Variants in DTNB observed in about 807,000 individuals in gnomAD.
DTNB encodes DTN-B.
A neutral mutation model predicts 90.7 loss-of-function variants in DTNB; 63 were observed. The ratio of observed to expected loss-of-function variants is 0.69; its 90% CI spans 0.57 to 0.86. The LOEUF (loss-of-function observed/expected upper bound fraction) is 0.86, where lower values mean the gene tolerates loss of function less well. Ranked by LOEUF, DTNB falls within the 40% of genes least tolerant of loss-of-function variation. The probability of loss-of-function intolerance (pLI) is 0.00; values close to 1 mark genes in which losing one functional copy is unlikely to be tolerated. For missense variants in DTNB, 744 were observed against 807.1 expected, an observed-to-expected ratio of 0.92 and a Z score of 0.95; for synonymous variants, 277 against 286.7, an observed-to-expected ratio of 0.97 and a Z score of 0.34.
chr2:25,555,686 G>A (rs958185981), intron 8 of DTNB, among the ~76,000 whole-genome samples: 7 of 151,928 alleles, frequency 4.6e-5, no homozygotes, highest in Non-Finnish European at 5.9e-5. Context: ...TTTCCACATC[G>A]ATTCCACTTA....
At chr2:25,641,800 G>A (rs2078365296) in intron 2 of DTNB, among the ~76,000 whole-genome samples, 4 of 152,142 alleles carry the variant, frequency 2.6e-5, no homozygotes. Flanking sequence ...AATGACAAAT[G>A]TAGAAGCCAG....
chr2:25,604,715 G>A (rs570952592), intron 5 of DTNB, among the ~76,000 whole-genome samples: 9 of 152,044 alleles, frequency 5.9e-5, no homozygotes, highest in South Asian at 2.1e-4. Context: ...TCAGCCTCCC[G>A]AGTAGCTGGG....
At chr2:25,565,832 T>A (rs547882994) in intron 8 of DTNB, among the ~76,000 whole-genome samples, 85 of 152,226 alleles carry the variant, frequency 5.6e-4, no homozygotes, top group Admixed American at 8.5e-4. Context: ...TTACTTTTTT[T>A]AAAAAAACTA....
chr2:25,650,150 A>G, intron 2 of DTNB: 4 of 985,378 alleles, frequency 4.1e-6, no homozygotes, highest in Non-Finnish European at 4.8e-6. Flanking sequence ...TCAGATCTCT[A>G]CCCCATCAAC....
At chr2:25,647,981 T>C (rs1460618559) in intron 2 of DTNB, among the ~76,000 whole-genome samples, 2 of 151,886 alleles carry the variant, frequency 1.3e-5, no homozygotes, top group Admixed American at 1.3e-4. Context: ...ACAGCACAAA[T>C]GAGGCAGAGA....
At chr2:25,381,182 GGCATGT>G (rs759424836) in intron 19 of DTNB, among the ~76,000 whole-genome samples, 75 of 152,122 alleles carry the variant, frequency 4.9e-4, no homozygotes, top group African/African-American at 9.2e-4. Flanking sequence ...GGATTTGGTT[GGCATGT>G]GCATGTGCAT....
intron 1 of DTNB, among the ~76,000 whole-genome samples, chr2:25,661,928 G>C (rs2083255615): frequency 6.6e-6 from 1 of 152,138 alleles, no homozygotes; most frequent in Admixed American, 6.5e-5. Flanking sequence ...GCTGAGGCAG[G>C]TGGATTACCT....
chr2:25,539,865 C>A (rs961046139), intron 8 of DTNB, among the ~76,000 whole-genome samples: 1 of 152,108 alleles, frequency 6.6e-6, no homozygotes, highest in South Asian at 2.1e-4. Context: ...ATATTTAAAT[C>A]TGAATCTACT....
intron 12 of DTNB, among the ~76,000 whole-genome samples, chr2:25,450,207 T>C (rs1383441179): frequency 6.6e-6 from 1 of 152,232 alleles, no homozygotes; most frequent in East Asian, 1.9e-4. Context: ...ACATTTCAAA[T>C]TGATTTATTT....
At chr2:25,510,332 T>A (rs954862330) in intron 9 of DTNB, among the ~76,000 whole-genome samples, 6 of 152,056 alleles carry the variant, frequency 3.9e-5, no homozygotes, top group African/African-American at 7.2e-5. Flanking sequence ...ACTCCTTTTT[T>A]AAAAAAATAT....
intron 9 of DTNB, among the ~76,000 whole-genome samples, chr2:25,514,975 G>A (rs554683826): frequency 2.0e-5 from 3 of 152,086 alleles, no homozygotes; most frequent in East Asian, 1.9e-4. Context: ...GAGTCACCGC[G>A]CCCAGCTGAA....
intron 8 of DTNB, among the ~76,000 whole-genome samples, chr2:25,541,176 A>AAT (rs947371029): frequency 1.1e-4 from 17 of 151,886 alleles, no homozygotes; most frequent in East Asian, 1.9e-4. Flanking sequence ...TTGTCATAAA[A>AAT]ATATATATAT....
At chr2:25,653,520 T>C (rs1375753250) in intron 1 of DTNB, among the ~76,000 whole-genome samples, 8 of 143,346 alleles carry the variant, frequency 5.6e-5, no homozygotes, top group Admixed American at 2.8e-4. Context: ...TCTTTCTTTT[T>C]TTTTTTTTTT....
chr2:25,651,861 G>A (rs1574051997), intron 2 of DTNB, among the ~76,000 whole-genome samples: 1 of 152,162 alleles, frequency 6.6e-6, no homozygotes, highest in African/African-American at 2.4e-5. Flanking sequence ...AAGGGTCCTT[G>A]TAAGATTTCA....
At chr2:25,660,103 T>TA (rs1332894305) in intron 1 of DTNB, among the ~76,000 whole-genome samples, 7 of 152,170 alleles carry the variant, frequency 4.6e-5, no homozygotes, top group African/African-American at 1.7e-4. Context: ...TCCTTACACT[T>TA]ATGGTCATCT....
At chr2:25,636,771 T>C (rs1277758703) in intron 3 of DTNB, among the ~76,000 whole-genome samples, 1 of 152,126 alleles carries the variant, frequency 6.6e-6, no homozygotes, top group Non-Finnish European at 1.5e-5. Context: ...TCCTATTATA[T>C]GTTTTTAATT....
chr2:25,588,403 A>C (rs1280504185), intron 6 of DTNB, among the ~76,000 whole-genome samples: 1 of 148,032 alleles, frequency 6.8e-6, no homozygotes, highest in Admixed American at 6.7e-5. Flanking sequence ...GTCTCCCTCT[A>C]TTGCCAGGCT....
intron 4 of DTNB, among the ~76,000 whole-genome samples, chr2:25,612,068 G>A (rs996179155): frequency 3.3e-5 from 5 of 152,046 alleles, no homozygotes; most frequent in Non-Finnish European, 7.4e-5. Context: ...TTACACACTC[G>A]AGAAGCCTAA....
intron 4 of DTNB, among the ~76,000 whole-genome samples, chr2:25,612,726 A>C (rs553724167): frequency 8.3e-4 from 126 of 152,214 alleles, no homozygotes; most frequent in Non-Finnish European, 1.4e-3. Flanking sequence ...CAATATTAAG[A>C]GGGGATATCA....
Sources: gnomAD v4.1 joint callset for allele counts (sites outside exome capture counted in the v4.1 genomes callset) on GRCh38, gnomAD v4.1.1 for gene constraint, MANE v1.5 for transcripts, NCBI Gene and HGNC (gene_info 2026-07-23, HGNC 2026-07-21) for gene names.